The following RIPK2 variants were observed in gnomAD, a reference collection of about 807,000 sequenced individuals.
RIPK2 encodes receptor interacting serine/threonine kinase 2, also known as receptor-interacting serine/threonine-protein kinase 2.
A neutral mutation model predicts 60.9 loss-of-function variants in RIPK2; 38 were observed. The ratio of observed to expected loss-of-function variants is 0.62; its 90% CI spans 0.48 to 0.82. The LOEUF (loss-of-function observed/expected upper bound fraction) is 0.82. Ranked by LOEUF, RIPK2 falls within the 40% of genes least tolerant of loss-of-function variation. The pLI, the probability that RIPK2 is intolerant of heterozygous loss-of-function variation, is 0.00. For missense variants in RIPK2, 518 were observed against 647.0 expected, an observed-to-expected ratio of 0.80 and a Z score of 2.16; for synonymous variants, 225 against 223.4, an observed-to-expected ratio of 1.01 and a Z score of -0.06.
chr8:89,769,799 C>A lies in RIPK2; in HGVS notation c.511C>A (p.Arg171Ser). 8.1e-6 allele frequency: 13 copies of A among 1,603,184 alleles called. No homozygotes were observed. Among genetic ancestry groups the A allele is most frequent in the Non-Finnish European group, 1.1e-5 (13 of 1,175,024 alleles). ...TGCAGATTTTGGTTTATCAAAGTGG[C>A]GCATGATGTCCCTCTCACAGTCACG... ...KIADFGLSKW[R>S]MMSLSQSRSS... The change falls in exon 4 of 11, where the codon CGC (arginine) becomes AGC (serine). Residue 171 changes from arginine to serine, a missense_variant. Coordinates refer to ENST00000220751, the MANE Select transcript of RIPK2 (RefSeq NM_003821.6).
At chr8:89,766,174 A>G (rs752913531) in intron 3 of RIPK2, among the ~76,000 whole-genome samples, 5 of 151,872 alleles carry the variant, frequency 3.3e-5, no homozygotes, top group Non-Finnish European at 7.4e-5. Context: ...GCTTGTAACA[A>G]TAGTTGTTTT....
intron 9 of RIPK2, among the ~76,000 whole-genome samples, chr8:89,788,569 G>A (rs375332396): frequency 6.6e-6 from 1 of 151,992 alleles, no homozygotes; most frequent in Non-Finnish European, 1.5e-5. Context: ...CTGAGGTCAC[G>A]AGTTCAAGAC....
At chr8:89,784,167 TTA>T in intron 8 of RIPK2, 28 bp downstream of exon 8, 1 of 1,086,634 alleles carries the variant, frequency 9.2e-7, no homozygotes, top group Non-Finnish European at 1.3e-6. Flanking sequence ...AAAAAAAAGG[TTA>T]TATTAAACTC....
chr8:89,779,310 GTTTT>G (rs55784154), intron 6 of RIPK2, among the ~76,000 whole-genome samples: 3 of 79,094 alleles, frequency 3.8e-5, no homozygotes, highest in African/African-American at 1.2e-4. Context: ...CGGTTTTTGG[GTTTT>G]TTTTTTTTTT....
intron 3 of RIPK2, 21 bp downstream of exon 3, chr8:89,765,517 T>C (rs554301756): frequency 6.7e-7 from 1 of 1,483,450 alleles, no homozygotes; most frequent in South Asian, 1.2e-5. Flanking sequence ...TTTTAAAAAG[T>C]TTATGTTTCC....
At chr8:89,781,528 C>T (rs1809500812) in intron 7 of RIPK2, among the ~76,000 whole-genome samples, 1 of 152,040 alleles carries the variant, frequency 6.6e-6, no homozygotes, top group Non-Finnish European at 1.5e-5. Flanking sequence ...CTACCACACT[C>T]AGCTACTTTT....
chr8:89,767,993 T>C (rs537902713), intron 3 of RIPK2, among the ~76,000 whole-genome samples: 135 of 151,870 alleles, frequency 8.9e-4, no homozygotes, highest in Non-Finnish European at 1.6e-3. Flanking sequence ...TCGTCAGAAC[T>C]GAACACAATA....
intron 3 of RIPK2, 22 bp downstream of exon 3, chr8:89,765,518 T>G (rs781036828): frequency 2.7e-6 from 4 of 1,463,988 alleles, no homozygotes; most frequent in South Asian, 1.2e-5. Context: ...TTTAAAAAGT[T>G]TATGTTTCCT....
chr8:89,789,336 G>T lies in RIPK2; in HGVS notation c.1139G>T (p.Cys380Phe). ...NDFLSRKAQD[C>F]YFMKLHHCPG... ...TATTTTGTAGGAAAAGCTCAAGACT[G>T]TTATTTTATGAAGCTGCATCACTGT... The change falls in exon 10 of 11, where the codon TGT (cysteine) becomes TTT (phenylalanine). Residue 380 changes from cysteine (C) to phenylalanine (F), a missense_variant. Cys to Phe is a radical substitution (Grantham distance 205). This residue lies in a region of RIPK2 where 448 missense variants were observed against 534.7 expected (regional missense o/e 0.84). Transcript: ENST00000220751. 6.2e-7 allele frequency: 1 copy of T among 1,613,816 alleles called. No homozygotes were observed. The highest frequency in any genetic ancestry group is 8.5e-7 in the Non-Finnish European group (1 of 1,179,872).
At chr8:89,774,476 C>T (rs1020377518) in intron 6 of RIPK2, among the ~76,000 whole-genome samples, 6 of 152,140 alleles carry the variant, frequency 3.9e-5, no homozygotes, top group Non-Finnish European at 5.9e-5. Context: ...CTTTGGAAAA[C>T]GGTTTGGCAG....
chr8:89,761,735 G>A (rs1387753241), intron 1 of RIPK2, among the ~76,000 whole-genome samples: 1 of 151,324 alleles, frequency 6.6e-6, no homozygotes, highest in Non-Finnish European at 1.5e-5. Context: ...AGTTTCCAGT[G>A]TGTATTCTGT....
intron 5 of RIPK2, among the ~76,000 whole-genome samples, 192 bp downstream of exon 5, chr8:89,771,982 A>G (rs988546430): frequency 2.0e-5 from 3 of 152,046 alleles, no homozygotes; most frequent in Middle Eastern, 3.2e-3. Context: ...TTGTGAGTCT[A>G]CTATATACTG....
At position 89,762,814 on chromosome 8, in the gene RIPK2, ATT is replaced by A; in HGVS notation, c.174-7_174-6del. The A allele has an allele frequency of 7.9e-7, 1 of 1,267,580 alleles. No homozygotes were observed. The highest frequency in any genetic ancestry group is 1.1e-6 in the Non-Finnish European group (1 of 941,862). The allele number at this position is 1,267,580 out of a possible 1,614,324, so 78.5% of individuals were successfully genotyped here. ...TTTTTTATTACTTGAATAATTATGC[ATT>A]TTTTTTTCTTAGTGAAAGAAAGGAT... On this transcript the variant is annotated splice_polypyrimidine_tract_variant and intron_variant, in intron 1 of 10. Transcript: ENST00000220751.
At chr8:89,774,109 A>G (rs1809359078) in intron 6 of RIPK2, among the ~76,000 whole-genome samples, 1 of 152,138 alleles carries the variant, frequency 6.6e-6, no homozygotes, top group African/African-American at 2.4e-5. Flanking sequence ...GAAGGAAAAA[A>G]AAAAGCAGAG....
rs1809667962 is a variant in RIPK2 at position 89,790,956 on chromosome 8, A to C, written c.*540A>C. 1 of 152,182 alleles carries C rather than the reference A, an allele frequency of 6.6e-6. No individual in the cohort carries two copies. The highest frequency in any genetic ancestry group is 1.5e-5 in the Non-Finnish European group (1 of 68,030). The allele number at this position is 152,182 out of a possible 1,614,324, so 9.4% of individuals were successfully genotyped here. On this transcript the variant is annotated 3_prime_UTR_variant, in exon 11 of 11. Transcript: ENST00000220751. Reference sequence around the variant, plus strand: ...TTCAAAGGTAAAACAATACAATATAAAGAAAAAAATAAATATATTAATACC... The same window carrying C: ...TTCAAAGGTAAAACAATACAATATACAGAAAAAAATAAATATATTAATACC...
At chr8:89,761,082 C>G (rs1157269151) in intron 1 of RIPK2, among the ~76,000 whole-genome samples, 4 of 152,164 alleles carry the variant, frequency 2.6e-5, no homozygotes, top group African/African-American at 9.7e-5. Context: ...TCTTGTTACT[C>G]TTGAATTTTA....
chr8:89,760,607 T>TG (rs1218077269), intron 1 of RIPK2, among the ~76,000 whole-genome samples: 2 of 152,242 alleles, frequency 1.3e-5, no homozygotes, highest in African/African-American at 4.8e-5. Context: ...CAGGCTTTAA[T>TG]GTCCCATGAT....
intron 1 of RIPK2, among the ~76,000 whole-genome samples, chr8:89,761,857 T>C (rs1364198883): frequency 6.6e-6 from 1 of 152,176 alleles, no homozygotes; most frequent in Non-Finnish European, 1.5e-5. Flanking sequence ...CTTATTCACC[T>C]TCACTCCTTT....
intron 4 of RIPK2, 140 bp downstream of exon 4, chr8:89,770,069 G>A (rs566546491): frequency 5.3e-5 from 32 of 605,262 alleles, no homozygotes; most frequent in African/African-American, 2.5e-4. Context: ...GAGGCCCCAC[G>A]GTGATTAATA....
Sources: allele counts gnomAD v4.1 joint callset (sites outside exome capture counted in the v4.1 genomes callset), GRCh38; gene constraint gnomAD v4.1.1; regional missense constraint gnomAD v4.1.1; transcripts MANE v1.5; gene names NCBI Gene and HGNC (gene_info 2026-07-23, HGNC 2026-07-21).